RRM1: variants seen among roughly 807,000 people sequenced by gnomAD.
RRM1 encodes the protein ribonucleotide reductase catalytic subunit M1.
Under a neutral mutation model 101.5 loss-of-function variants are expected in RRM1, and 19 were observed. The ratio of observed to expected loss-of-function variants is 0.19; its 90% CI spans 0.13 to 0.27. The LOEUF (loss-of-function observed/expected upper bound fraction) is 0.27. RRM1 is among the 10% of genes least tolerant of loss of function. The probability of loss-of-function intolerance (pLI) is 1.00; values close to 1 mark genes in which losing one functional copy is unlikely to be tolerated. For missense variants in RRM1, 500 were observed against 962.9 expected, an observed-to-expected ratio of 0.52 and a Z score of 6.36; for synonymous variants, 298 against 323.4, an observed-to-expected ratio of 0.92 and a Z score of 0.84.
chr11:4,105,418 A>T (rs545998596), intron 2 of RRM1, among the ~76,000 whole-genome samples: 1 of 151,866 alleles, frequency 6.6e-6, no homozygotes, highest in Non-Finnish European at 1.5e-5. Flanking sequence ...TTTAGTAGGG[A>T]TGGGGTCTCA....
intron 15 of RRM1, among the ~76,000 whole-genome samples, chr11:4,130,653 G>T (rs933558567): frequency 2.0e-5 from 3 of 152,100 alleles, no homozygotes; most frequent in African/African-American, 7.2e-5. Context: ...CCGAGATCAT[G>T]CCACTGTACT....
At chr11:4,128,520 C>T (rs1305546304) in intron 14 of RRM1, among the ~76,000 whole-genome samples, 1 of 152,182 alleles carries the variant, frequency 6.6e-6, no homozygotes, top group Non-Finnish European at 1.5e-5. Context: ...ATCCTATTCT[C>T]AAGTCATGTC....
intron 2 of RRM1, among the ~76,000 whole-genome samples, chr11:4,104,088 G>C (rs939810103): frequency 6.6e-6 from 1 of 152,012 alleles, no homozygotes; most frequent in Non-Finnish European, 1.5e-5. Context: ...TCCAGCACAG[G>C]CCACAGAATG....
intron 6 of RRM1, 75 bp downstream of exon 6, chr11:4,111,715 T>A: frequency 7.4e-7 from 1 of 1,347,058 alleles, no homozygotes. Context: ...CTATAAGTCT[T>A]AATATTCTTG....
At position 4,123,417 on chromosome 11, in the gene RRM1, G is replaced by T. The variant is rs72555790; in HGVS notation, c.1320+33G>T. The T allele has an allele frequency of 2.6e-4, 399 of 1,531,674 alleles. 3 individuals carry two copies. The East Asian group carries it at 7.9e-3, about 30-fold the overall frequency. The allele number at this position is 1,531,674 out of a possible 1,614,324, so 94.9% of individuals were successfully genotyped here. A position where few individuals can be genotyped will look rare whatever the true frequency, so the allele number is the denominator to read the frequency against. On this transcript the variant is annotated intron_variant, in intron 12 of 18. Coordinates refer to ENST00000300738, the MANE Select transcript of RRM1 (RefSeq NM_001033.5). ...GAAAAAATTCTTCCTAGAGTACTAA[G>T]AAGAGAACCTTAGGCAGTTATTATT...
chr11:4,097,458 TC>T (rs1178016348), intron 1 of RRM1, among the ~76,000 whole-genome samples: 2 of 151,886 alleles, frequency 1.3e-5, no homozygotes, highest in East Asian at 3.9e-4. Flanking sequence ...TTTGTTTGTT[TC>T]TTTTTTTTTT....
chr11:4,120,437 C>T (rs925905099), intron 9 of RRM1, among the ~76,000 whole-genome samples: 2 of 152,014 alleles, frequency 1.3e-5, no homozygotes, highest in Non-Finnish European at 2.9e-5. Flanking sequence ...GATCTTGGCT[C>T]ACCGTAGCCT....
chr11:4,125,522 T>G (rs1565187709), intron 12 of RRM1, among the ~76,000 whole-genome samples: 1 of 152,208 alleles, frequency 6.6e-6, no homozygotes, highest in Non-Finnish European at 1.5e-5. Flanking sequence ...CTGCGGTTAC[T>G]TTCCCCTTTG....
chr11:4,115,507 CAAAA>C (rs1217828429), intron 7 of RRM1, among the ~76,000 whole-genome samples: 2 of 105,224 alleles, frequency 1.9e-5, no homozygotes, highest in African/African-American at 3.4e-5. Flanking sequence ...GGGAGCACTC[CAAAA>C]AAAAAAAAAA....
intron 18 of RRM1, among the ~76,000 whole-genome samples, chr11:4,135,703 TA>T (rs2094608408): frequency 2.0e-5 from 3 of 152,260 alleles, no homozygotes; most frequent in African/African-American, 7.2e-5. Flanking sequence ...GTCAACCCGC[TA>T]TTCAAAAACA....
intron 9 of RRM1, among the ~76,000 whole-genome samples, chr11:4,121,213 A>G (rs2094581371): frequency 1.3e-5 from 2 of 152,172 alleles, no homozygotes; most frequent in Non-Finnish European, 2.9e-5. Context: ...GGACCTTGAT[A>G]AGACAGATCA....
rs187781496 is a variant in RRM1 at position 4,110,216 on chromosome 11, G to A, written c.447+513G>A. On this transcript the variant is annotated intron_variant, in intron 5 of 18. Transcript: ENST00000300738. ...TGACTAGGCTGGAGTGCAGTGGCGC[G>A]ATCTTGGCTCACTTCAACCTCTGTC... is the stretch of plus-strand genomic sequence containing the variant. Among the ~76,000 whole-genome samples, 58 of 152,108 alleles carry A rather than the reference G, an allele frequency of 3.8e-4. 1 individual carries two copies. The East Asian group carries it at 7.0e-3, about 18-fold the overall frequency.
In RRM1 at chr11:4,132,168, A is replaced by T; in HGVS notation, c.1770-118A>T. 1 of 1,002,476 alleles carries T rather than the reference A, an allele frequency of 1.0e-6. No individual in the cohort carries two copies. The highest frequency in any genetic ancestry group is 1.5e-6 in the Non-Finnish European group (1 of 662,080). The allele number at this position is 1,002,476 out of a possible 1,614,324, so 62.1% of individuals were successfully genotyped here. A position where few individuals can be genotyped will look rare whatever the true frequency, so the allele number is the denominator to read the frequency against. On this transcript the variant is annotated intron_variant, in intron 15 of 18. Transcript: ENST00000300738. The surrounding 1 kb of genome is among the most constrained non-coding windows in gnomAD (Gnocchi z 4.1). ...GTCAACGTGTGAGTTCAATGCATGT[A>T]CGATGTTACATTTACATTTACTACA... is the stretch of plus-strand genomic sequence containing the variant.
chr11:4,107,109 G>A (rs1287696863), intron 3 of RRM1, among the ~76,000 whole-genome samples: 2 of 152,106 alleles, frequency 1.3e-5, no homozygotes, highest in Non-Finnish European at 2.9e-5. Flanking sequence ...AGCCAGGATG[G>A]TCTCAATCTC....
chr11:4,120,969 G>A (rs937509072), intron 9 of RRM1, among the ~76,000 whole-genome samples: 17 of 152,176 alleles, frequency 1.1e-4, no homozygotes, highest in Admixed American at 6.5e-5. Context: ...GCAGTGAGCC[G>A]AGATTATACC....
chr11:4,107,971 A>G (rs546618390), intron 4 of RRM1, among the ~76,000 whole-genome samples: 1 of 152,182 alleles, frequency 6.6e-6, no homozygotes, highest in Non-Finnish European at 1.5e-5. Context: ...TCATCTTTTC[A>G]CTGCAGTGAA....
rs1266351524 is a variant in RRM1, at chr11:4,138,561, A to G, written c.*178A>G. The G allele has an allele frequency of 2.5e-6, 1 of 397,992 alleles. No individual in the cohort carries two copies. Among genetic ancestry groups the G allele is most frequent in the African/African-American group, 2.1e-5 (1 of 48,524 alleles). The allele number at this position is 397,992 out of a possible 1,614,324, so 24.7% of individuals were successfully genotyped here. A position where few individuals can be genotyped will look rare whatever the true frequency, so the allele number is the denominator to read the frequency against. ...AATGATTTTTTTTTTAAACTCATATATTGGGATTTTCACCAAAATAATGCT... is the reference window on the plus strand; with the variant it reads ...AATGATTTTTTTTTTAAACTCATATGTTGGGATTTTCACCAAAATAATGCT... On this transcript the variant is annotated 3_prime_UTR_variant, in exon 19 of 19. Transcript: ENST00000300738.
At chr11:4,097,201 G>A (rs1306859370) in intron 1 of RRM1, among the ~76,000 whole-genome samples, 1 of 147,642 alleles carries the variant, frequency 6.8e-6, no homozygotes, top group African/African-American at 2.5e-5. Context: ...CAGGAGAATC[G>A]CTTGAGCCTG....
intron 18 of RRM1, among the ~76,000 whole-genome samples, chr11:4,136,734 T>G (rs955564543): frequency 6.7e-6 from 1 of 148,186 alleles, no homozygotes; most frequent in Non-Finnish European, 1.5e-5. Flanking sequence ...GAATGTATTT[T>G]TTTGTTTGTT....
Sources: allele counts gnomAD v4.1 joint callset (sites outside exome capture counted in the v4.1 genomes callset), GRCh38; gene constraint gnomAD v4.1.1; non-coding constraint Gnocchi (gnomAD v3.1); transcripts MANE v1.5; gene names NCBI Gene and HGNC (gene_info 2026-07-23, HGNC 2026-07-21).